ADAD1: variants seen among roughly 807,000 people sequenced by gnomAD.
The protein encoded by ADAD1 is adenosine deaminase domain containing 1.
A neutral mutation model predicts 66.8 loss-of-function variants in ADAD1; 46 were observed. That is an observed-to-expected ratio of 0.69 (90% CI 0.54 to 0.88). The LOEUF is 0.88. Ranked by LOEUF, ADAD1 falls within the 40% of genes least tolerant of loss-of-function variation. The probability of loss-of-function intolerance (pLI) is 0.00; values close to 1 mark genes in which losing one functional copy is unlikely to be tolerated. For synonymous variants in ADAD1, 248 were observed against 229.4 expected (o/e 1.08, Z -0.73); for missense variants, 617 against 681.8 (o/e 0.91, Z 1.06).
intron 7 of ADAD1, among the ~76,000 whole-genome samples, chr4:122,407,597 G>A (rs1796274778): frequency 6.6e-6 from 1 of 152,202 alleles, no homozygotes; most frequent in Non-Finnish European, 1.5e-5. Context: ...AATACATCTA[G>A]ATGTAGAAGA....
intron 12 of ADAD1, among the ~76,000 whole-genome samples, chr4:122,422,796 CTTA>C (rs1797061968): frequency 6.6e-6 from 1 of 151,638 alleles, no homozygotes; most frequent in South Asian, 2.1e-4. Context: ...CTCACAAACT[CTTA>C]TTATTAGCTG....
intron 11 of ADAD1, among the ~76,000 whole-genome samples, chr4:122,418,433 C>T (rs1042819346): frequency 3.3e-5 from 5 of 151,190 alleles, no homozygotes; most frequent in Admixed American, 1.3e-4. Context: ...CGCCATTCTC[C>T]TGCCTCAGCC....
intron 7 of ADAD1, 47 bp from the exon 8 acceptor site, chr4:122,407,861 A>T: frequency 6.3e-7 from 1 of 1,598,696 alleles, no homozygotes; most frequent in Non-Finnish European, 8.5e-7. Context: ...GAATGTAGGG[A>T]AGAGAGAGGT....
intron 11 of ADAD1, among the ~76,000 whole-genome samples, chr4:122,419,441 A>G (rs917744006): frequency 6.6e-6 from 1 of 152,160 alleles, no homozygotes; most frequent in African/African-American, 2.4e-5. Context: ...TAGGCTTAAT[A>G]CTTGGGTGAT....
chr4:122,412,201 A>G (rs1264973149), intron 9 of ADAD1, among the ~76,000 whole-genome samples: 2 of 152,184 alleles, frequency 1.3e-5, no homozygotes, highest in Non-Finnish European at 2.9e-5. Flanking sequence ...ATTGAAGATG[A>G]CAAAGAAAAA....
intron 7 of ADAD1, among the ~76,000 whole-genome samples, chr4:122,402,063 T>C (rs1796007961): frequency 6.6e-6 from 1 of 152,042 alleles, no homozygotes; most frequent in African/African-American, 2.4e-5. Flanking sequence ...GGGTGTTTTT[T>C]TTTTAATTGT....
rs139433500 is a variant in ADAD1 at position 122,393,290 on chromosome 4, G to T, written c.530-299G>T. Among the ~76,000 whole-genome samples the T allele has an allele frequency of 9.9e-3, 1,506 of 152,060 alleles. 24 individuals are homozygous for T. The highest frequency in any genetic ancestry group is 0.034 in the African/African-American group (1,397 of 41,488). On this transcript the variant is annotated intron_variant, in intron 5 of 12. Coordinates refer to ENST00000296513, the MANE Select transcript of ADAD1 (RefSeq NM_139243.4). ...TTCACAGTATTATAAATAGAAAGTT[G>T]TTTATATGTATCTAAAATAGGATTT...
At chr4:122,399,892 A>T (rs961195693) in intron 7 of ADAD1, among the ~76,000 whole-genome samples, 1 of 151,692 alleles carries the variant, frequency 6.6e-6, no homozygotes, top group African/African-American at 2.4e-5. Context: ...CATATCTGGG[A>T]GGTTTTTGGA....
intron 6 of ADAD1, among the ~76,000 whole-genome samples, chr4:122,395,234 A>G (rs1795643388): frequency 6.6e-6 from 1 of 151,930 alleles, no homozygotes; most frequent in African/African-American, 2.4e-5. Flanking sequence ...CATTTTTAGT[A>G]GAGACAGGGT....
intron 12 of ADAD1, among the ~76,000 whole-genome samples, chr4:122,422,956 T>TAA (rs537676034): frequency 0.045 from 4,387 of 97,028 alleles, 233 homozygotes; most frequent in African/African-American, 0.13. Flanking sequence ...TATTTCTCTT[T>TAA]AAAAAAAAAA....
intron 7 of ADAD1, among the ~76,000 whole-genome samples, chr4:122,396,644 C>T (rs1046415123): frequency 6.6e-6 from 1 of 152,148 alleles, no homozygotes; most frequent in Non-Finnish European, 1.5e-5. Context: ...ATCTAGTCCT[C>T]AGTAACATTA....
At chr4:122,427,072 A>G (rs571366599) in intron 12 of ADAD1, among the ~76,000 whole-genome samples, 16 of 152,352 alleles carry the variant, frequency 1.1e-4, no homozygotes, top group African/African-American at 3.6e-4. Context: ...ATCATCTTGT[A>G]GGTAAAATAT....
intron 12 of ADAD1, among the ~76,000 whole-genome samples, chr4:122,427,525 T>TG (rs1294394301): frequency 1.7e-5 from 2 of 119,474 alleles, no homozygotes; most frequent in African/African-American, 3.1e-5. Context: ...CCAAAGGCCT[T>TG]TTTTTTTTTT....
chr4:122,408,175 A>G, intron 8 of ADAD1, 144 bp downstream of exon 8: 1 of 846,056 alleles, frequency 1.2e-6, no homozygotes, highest in Non-Finnish European at 1.7e-6. Flanking sequence ...TCATCGGATT[A>G]ATTCCATGTC....
chr4:122,415,739 T>G, intron 11 of ADAD1, 123 bp downstream of exon 11: 1 of 893,910 alleles, frequency 1.1e-6, no homozygotes, highest in Non-Finnish European at 1.7e-6. Flanking sequence ...TTATTATCAT[T>G]AGTCAAGTGT....
intron 7 of ADAD1, 33 bp downstream of exon 7, chr4:122,396,410 G>A: frequency 2.0e-6 from 3 of 1,513,612 alleles, no homozygotes; most frequent in South Asian, 1.3e-5. Flanking sequence ...AACTAATATT[G>A]TAATAATCTA....
At position 122,380,077 on chromosome 4, in the gene ADAD1, G is replaced by C; in HGVS notation, c.8G>C (p.Ser3Thr). 6.2e-7 allele frequency: 1 copy of C among 1,611,916 alleles called. No individual in the cohort carries two copies. Among genetic ancestry groups the C allele is most frequent in the Non-Finnish European group, 8.5e-7 (1 of 1,179,304 alleles). Residue 3 changes from serine (S) to threonine (T), a missense_variant, in exon 3 of 13, where the codon AGC becomes ACC. Physicochemically the swap from Ser to Thr is moderately conservative, Grantham distance 58. Coordinates refer to ENST00000296513, the MANE Select transcript of ADAD1 (RefSeq NM_139243.4). MA[S>T]NNHWFQSSQV... ...TGACCTCTAGGTGAGAAAATGGCTA[G>C]CAACAATCATTGGTTTCAGAGTTCG...
rs545260959 is a variant in ADAD1, at chr4:122,388,005, C to T, written c.529+4039C>T. On this transcript the variant is annotated intron_variant, in intron 5 of 12. Coordinates refer to ENST00000296513, the MANE Select transcript of ADAD1 (RefSeq NM_139243.4). ...TGATCTCCTGACCTCGTGATCCACCCGCCTTGGCCTACCAGAGTGCTGGGA... is the reference window on the plus strand; with the variant it reads ...TGATCTCCTGACCTCGTGATCCACCTGCCTTGGCCTACCAGAGTGCTGGGA... Among the ~76,000 whole-genome samples the T allele has an allele frequency of 8.5e-5, 13 of 152,194 alleles. No individual in the cohort carries two copies. In the South Asian group the frequency reaches 2.7e-3, roughly 32 times the overall value.
At position 122,389,852 on chromosome 4, in the gene ADAD1, A is replaced by C. The variant is rs535232872; in HGVS notation, c.530-3737A>C. ...TTTAATTGGGGCATTTAACCCATTG[A>C]CATTTAAGGTTAGTGTTGTTATGTG... On this transcript the variant is annotated intron_variant, in intron 5 of 12. Coordinates refer to ENST00000296513, the MANE Select transcript of ADAD1 (RefSeq NM_139243.4). Among the ~76,000 whole-genome samples the C allele has an allele frequency of 2.3e-4, 35 of 152,304 alleles. No homozygotes were observed. In the South Asian group the frequency reaches 6.8e-3, roughly 30 times the overall value.
Sources: allele counts gnomAD v4.1 joint callset (sites outside exome capture counted in the v4.1 genomes callset), GRCh38; gene constraint gnomAD v4.1.1; transcripts MANE v1.5; gene names NCBI Gene and HGNC (gene_info 2026-07-23, HGNC 2026-07-21).